Variants in DAPK1 observed in about 807,000 individuals in gnomAD.
DAPK1 encodes death-associated protein kinase 1.
DAPK1 carries 56 observed loss-of-function variants against 144.9 expected under a neutral mutation model. The observed-to-expected ratio is 0.39, with a 90% CI of 0.31 to 0.48. The LOEUF is 0.48. Among genes scored for constraint, DAPK1 ranks in the 20% least tolerant of loss-of-function variants. The pLI is 0.95. For missense variants in DAPK1, 1,454 were observed against 1,875.4 expected, an observed-to-expected ratio of 0.78 and a Z score of 4.15; for synonymous variants, 690 against 749.0, an observed-to-expected ratio of 0.92 and a Z score of 1.29.
At chr9:87,576,887 A>G (rs1023191337) in intron 2 of DAPK1, among the ~76,000 whole-genome samples, 5 of 152,130 alleles carry the variant, frequency 3.3e-5, no homozygotes, top group Non-Finnish European at 7.4e-5. Context: ...TTGTCCTACA[A>G]TAGAAATGGC....
chr9:87,703,310 G>A (rs1382836779), intron 25 of DAPK1, 93 bp downstream of exon 25: 2 of 692,876 alleles, frequency 2.9e-6, no homozygotes, highest in Non-Finnish European at 5.1e-6. Flanking sequence ...TGTGAGCCTG[G>A]GGAAGCAGTG....
chr9:87,543,524 A>G (rs1012498436), intron 2 of DAPK1, among the ~76,000 whole-genome samples: 8 of 152,228 alleles, frequency 5.3e-5, no homozygotes, highest in Admixed American at 2.0e-4. Flanking sequence ...ATCAGCCAAA[A>G]TGACTCAGGA....
At chr9:87,613,840 G>C (rs2042006) in intron 3 of DAPK1, among the ~76,000 whole-genome samples, 151,544 of 152,334 alleles carry the variant, frequency 0.99, 75,383 homozygotes, top group Middle Eastern at 1. Flanking sequence ...TCCTCAATGC[G>C]TTCTTTTGCT....
At chr9:87,655,498 G>A (rs936786051) in intron 17 of DAPK1, among the ~76,000 whole-genome samples, 1 of 152,184 alleles carries the variant, frequency 6.6e-6, no homozygotes, top group East Asian at 1.9e-4. Flanking sequence ...TGAGCGTGGG[G>A]TGGCATCCAC....
intron 19 of DAPK1, among the ~76,000 whole-genome samples, chr9:87,670,967 G>A (rs1831230383): frequency 6.6e-6 from 1 of 152,158 alleles, no homozygotes; most frequent in African/African-American, 2.4e-5. Context: ...GTAGCTTACT[G>A]TGCGAGATGC....
intron 20 of DAPK1, among the ~76,000 whole-genome samples, chr9:87,683,332 C>T (rs1311701158): frequency 1.3e-5 from 2 of 152,108 alleles, no homozygotes; most frequent in African/African-American, 4.8e-5. Context: ...CCACCTGCCT[C>T]GGCCTCCCAA....
chr9:87,590,369 C>CAAAAAAAAAAAAAAAAAAA (rs200588801), intron 2 of DAPK1, among the ~76,000 whole-genome samples: 1 of 85,738 alleles, frequency 1.2e-5, no homozygotes, highest in African/African-American at 4.0e-5. Context: ...TCATTGGCCT[C>CAAAAAAAAAAAAAAAAAAA]AAAAAAAAAA....
intron 2 of DAPK1, among the ~76,000 whole-genome samples, chr9:87,584,941 T>C (rs1289159734): frequency 6.6e-6 from 1 of 152,158 alleles, no homozygotes; most frequent in Non-Finnish European, 1.5e-5. Context: ...CCTCTCAAAG[T>C]TCTGGGATTA....
intron 2 of DAPK1, among the ~76,000 whole-genome samples, chr9:87,546,137 C>T (rs951382684): frequency 6.6e-6 from 1 of 151,972 alleles, no homozygotes; most frequent in African/African-American, 2.4e-5. Flanking sequence ...TGGAGCAAAA[C>T]CATTTTAAAA....
chr9:87,699,230 C>T (rs375269169), intron 23 of DAPK1, among the ~76,000 whole-genome samples: 9 of 152,118 alleles, frequency 5.9e-5, no homozygotes, highest in East Asian at 5.8e-4. Context: ...ATGAAGAGCA[C>T]GTGATGAAAG....
At chr9:87,564,729 A>G (rs1278551179) in intron 2 of DAPK1, among the ~76,000 whole-genome samples, 1 of 152,196 alleles carries the variant, frequency 6.6e-6, no homozygotes, top group East Asian at 1.9e-4. Flanking sequence ...CAGCTCCCAC[A>G]ATAACTGCAT....
intron 2 of DAPK1, among the ~76,000 whole-genome samples, chr9:87,569,331 C>T (rs1827249257): frequency 6.6e-6 from 1 of 152,130 alleles, no homozygotes; most frequent in Non-Finnish European, 1.5e-5. Flanking sequence ...GGGCTTTGCC[C>T]CATGGACTGA....
chr9:87,697,184 T>C lies in DAPK1; in HGVS notation c.2591T>C (p.Val864Ala). Residue 864 changes from valine to alanine, a missense_variant, in exon 22 of 26, where the codon GTC becomes GCC. Transcript: ENST00000408954. ...TGGCTCAGTTTCCTGAAGTCCCTTG[T>C]CCCAGTTGAAGAACCCATAGGTGAG... is the stretch of plus-strand genomic sequence containing the variant. Reference protein sequence around the residue: ...IFWLSFLKSLVPVEEPIAFGG... With the variant: ...IFWLSFLKSLAPVEEPIAFGG... 1.3e-6 allele frequency: 2 copies of C among 1,562,554 alleles called. No homozygotes were observed. Among genetic ancestry groups the C allele is most frequent in the Non-Finnish European group, 8.8e-7 (1 of 1,132,884 alleles).
At chr9:87,647,256 G>A (rs376950209) in intron 13 of DAPK1, 49 bp from the exon 14 acceptor site, 44 of 1,439,714 alleles carry the variant, frequency 3.1e-5, no homozygotes, top group Non-Finnish European at 6.8e-6. Context: ...GCATGCATCT[G>A]GTGCTGTCAG....
chr9:87,552,179 G>T (rs995341958), intron 2 of DAPK1, among the ~76,000 whole-genome samples: 4 of 152,108 alleles, frequency 2.6e-5, no homozygotes, highest in African/African-American at 9.7e-5. Flanking sequence ...CCCAGAGCCT[G>T]GCAAGGCCAG....
intron 19 of DAPK1, among the ~76,000 whole-genome samples, chr9:87,676,993 A>C (rs376977833): frequency 7.2e-5 from 11 of 152,290 alleles, no homozygotes; most frequent in Non-Finnish European, 1.2e-4. Flanking sequence ...CCAAGCCTCA[A>C]TTTCCTCATC....
chr9:87,500,703 A>T (rs1824357799), intron 2 of DAPK1, among the ~76,000 whole-genome samples: 1 of 151,994 alleles, frequency 6.6e-6, no homozygotes, highest in South Asian at 2.1e-4. Context: ...GGAGTTTTTG[A>T]TCTTTATTTC....
At chr9:87,528,927 C>A (rs956202313) in intron 2 of DAPK1, among the ~76,000 whole-genome samples, 1 of 151,574 alleles carries the variant, frequency 6.6e-6, no homozygotes, top group Non-Finnish European at 1.5e-5. Flanking sequence ...CATTTTCTGC[C>A]GCACTATATA....
rs758304973 is a variant in DAPK1 at position 87,499,083 on chromosome 9, C to T, written c.6C>T (p.Thr2=). The T allele has an allele frequency of 1.2e-5, 19 of 1,614,000 alleles. No homozygotes were observed. In the South Asian group the frequency reaches 1.9e-4, roughly 16 times the overall value. ...GTGAGGCGTGACAGTTTATCATGAC[C>T]GTGTTCAGGCAGGAAAACGTGGATG... M[T]VFRQENVDDY... The change falls in exon 2 of 26, where the codon ACC becomes ACT. Residue 2 remains threonine, a synonymous_variant. Transcript: ENST00000408954.
Sources: allele counts gnomAD v4.1 joint callset (sites outside exome capture counted in the v4.1 genomes callset), GRCh38; gene constraint gnomAD v4.1.1; transcripts MANE v1.5; gene names NCBI Gene and HGNC (gene_info 2026-07-23, HGNC 2026-07-21).